The following INPP5A variants were observed in gnomAD, a reference collection of about 807,000 sequenced individuals.
The protein encoded by INPP5A is 43 kDa inositol polyphosphate 5-phophatase.
INPP5A carries 14 observed loss-of-function variants against 65.2 expected under a neutral mutation model. The observed-to-expected ratio is 0.21, with a 90% CI of 0.14 to 0.34. INPP5A has a LOEUF of 0.34. Among genes scored for constraint, INPP5A ranks in the 10% least tolerant of loss-of-function variants. The pLI is 1.00. For synonymous variants in INPP5A, 207 were observed against 208.3 expected, an observed-to-expected ratio of 0.99 and a Z score of 0.05; for missense variants, 431 against 545.6, an observed-to-expected ratio of 0.79 and a Z score of 2.09.
chr10:132,691,816 T>C (rs939666986), intron 5 of INPP5A, among the ~76,000 whole-genome samples: 3 of 145,766 alleles, frequency 2.1e-5, no homozygotes, highest in Non-Finnish European at 4.6e-5. Flanking sequence ...AGACGTGCGG[T>C]CGCGGGAGAC....
At chr10:132,597,080 T>C (rs139386240) in intron 1 of INPP5A, among the ~76,000 whole-genome samples, 3 of 151,920 alleles carry the variant, frequency 2.0e-5, no homozygotes, top group Non-Finnish European at 4.4e-5. Flanking sequence ...CGTGTGTGCG[T>C]GTGTGTATGT....
intron 1 of INPP5A, among the ~76,000 whole-genome samples, chr10:132,588,899 G>A (rs2071582459): frequency 6.7e-6 from 1 of 150,186 alleles, no homozygotes; most frequent in Non-Finnish European, 1.5e-5. Context: ...CTGTTTCTTG[G>A]AGTGTGAGAT....
rs920995537 is a variant in INPP5A, at chr10:132,663,907, G to T, written c.306+13402G>T. On this transcript the variant is annotated intron_variant, in intron 4 of 15. Coordinates refer to ENST00000368594, the MANE Select transcript of INPP5A (RefSeq NM_005539.5). This position sits in a 1 kb window ranked among gnomAD's most constrained non-coding sequence, Gnocchi z 4.5. ...TCTGTGGCAAAGGCTGGGCCAAGGT[G>T]CCTCGTGGGCAGCCGATCCATCAGG... 6.6e-6 allele frequency among the ~76,000 whole-genome samples: 1 copy of T among 152,230 alleles called. No homozygotes were observed. The highest frequency in any genetic ancestry group is 6.5e-5 in the Admixed American group (1 of 15,282).
At chr10:132,728,535 C>G (rs1590962657) in intron 9 of INPP5A, among the ~76,000 whole-genome samples, 1 of 152,254 alleles carries the variant, frequency 6.6e-6, no homozygotes, top group Non-Finnish European at 1.5e-5. Context: ...AGCGGCATTT[C>G]CGGCAGGTCT....
chr10:132,691,494 A>G (rs1845261003), intron 5 of INPP5A, among the ~76,000 whole-genome samples: 2 of 152,258 alleles, frequency 1.3e-5, no homozygotes, highest in African/African-American at 4.8e-5. Flanking sequence ...GCTGGAGCCA[A>G]GGAGCTGGTG....
chr10:132,561,560 T>C (rs961669847), intron 1 of INPP5A, among the ~76,000 whole-genome samples: 7 of 152,218 alleles, frequency 4.6e-5, no homozygotes, highest in African/African-American at 1.4e-4. Flanking sequence ...TCTATGTGTC[T>C]GTCCTTATGC....
chr10:132,724,032 G>A (rs1845941269), intron 8 of INPP5A, among the ~76,000 whole-genome samples: 1 of 152,202 alleles, frequency 6.6e-6, no homozygotes, highest in Admixed American at 6.5e-5. Flanking sequence ...GACTTTCGTG[G>A]GCTTTGCCAA....
rs996155905 is a variant in INPP5A at position 132,565,981 on chromosome 10, G to A, written c.75+27810G>A. Among the ~76,000 whole-genome samples the A allele has an allele frequency of 1.8e-4, 28 of 152,168 alleles. 1 individual carries two copies. In the South Asian group the frequency reaches 3.7e-3, roughly 20 times the overall value. Reference sequence around the variant, plus strand: ...TTGCTCAATTTCGTAGCCTGGAGCAGTCGTAGACAAGAGAGCCCTGTGGTC... The same window carrying A: ...TTGCTCAATTTCGTAGCCTGGAGCAATCGTAGACAAGAGAGCCCTGTGGTC... On this transcript the variant is annotated intron_variant, in intron 1 of 15. Coordinates refer to ENST00000368594, the MANE Select transcript of INPP5A (RefSeq NM_005539.5).
chr10:132,648,256 G>A (rs969084633), intron 3 of INPP5A, among the ~76,000 whole-genome samples: 3 of 152,400 alleles, frequency 2.0e-5, no homozygotes, highest in East Asian at 1.9e-4. Flanking sequence ...ACCGCAGGCC[G>A]GACGGGAACG....
At position 132,562,586 on chromosome 10, in the gene INPP5A, C is replaced by T. The variant is rs535209552; in HGVS notation, c.75+24415C>T. 1.9e-4 allele frequency among the ~76,000 whole-genome samples: 29 copies of T among 152,372 alleles called. No homozygotes were observed. In the East Asian group the frequency reaches 5.4e-3, roughly 28 times the overall value. On this transcript the variant is annotated intron_variant, in intron 1 of 15. Transcript: ENST00000368594. ...TGGCTGCCGCCTGCGGCTCCCAGCA[C>T]GTGAAACATGGTGCGTGTTGCACAC...
chr10:132,558,164 G>C (rs772074368), intron 1 of INPP5A, among the ~76,000 whole-genome samples: 4 of 152,200 alleles, frequency 2.6e-5, no homozygotes, highest in Non-Finnish European at 5.9e-5. Context: ...GGTGTCAGCA[G>C]GGAAGGGGCG....
chr10:132,759,134 C>G (rs560172274), intron 11 of INPP5A, among the ~76,000 whole-genome samples: 36 of 152,344 alleles, frequency 2.4e-4, no homozygotes, highest in African/African-American at 7.9e-4. Flanking sequence ...TGCAGCAGGT[C>G]AGCGTGGCCC....
intron 12 of INPP5A, among the ~76,000 whole-genome samples, chr10:132,769,177 A>G (rs1234540226): frequency 6.6e-6 from 1 of 152,094 alleles, no homozygotes; most frequent in African/African-American, 2.4e-5. Flanking sequence ...GATGAATAGA[A>G]CTCTGCTCTG....
In INPP5A at chr10:132,538,177, T is replaced by TC; in HGVS notation, c.75+11dup. ...TGGGCTCGCTCTTCGACGACGTAAG[T>TC]CCCCCGTGCCGGCGGCAGGCCCCAA... On this transcript the variant is annotated splice_region_variant and intron_variant, in intron 1 of 15. Transcript: ENST00000368594. This position sits in a 1 kb window ranked among gnomAD's most constrained non-coding sequence, Gnocchi z 4.1. 1.6e-6 allele frequency: 2 copies of TC among 1,273,650 alleles called. No homozygotes were observed. The highest frequency in any genetic ancestry group is 2.0e-6 in the Non-Finnish European group (2 of 1,006,500). 78.9% of individuals were successfully genotyped at this position (1,273,650 alleles called of 1,614,324 possible). A position where few individuals can be genotyped will look rare whatever the true frequency, so the allele number is the denominator to read the frequency against.
Position 132,627,485 on chromosome 10 carries a change from C to T in INPP5A, c.118-18383C>T, listed in dbSNP as rs182833421. Among the ~76,000 whole-genome samples the T allele has an allele frequency of 1.2e-3, 186 of 152,294 alleles. No individual in the cohort carries two copies. Among genetic ancestry groups the T allele is most frequent in the Non-Finnish European group, 2.1e-3 (146 of 68,016 alleles). ...GTGCAGCTGTCCGCGGTGGCTGCCT[C>T]GTCCAGCAGCGTCCCTGCCAGAAGT... On this transcript the variant is annotated intron_variant, in intron 2 of 15. Transcript: ENST00000368594. The surrounding 1 kb of genome is among the most constrained non-coding windows in gnomAD (Gnocchi z 6.6).
chr10:132,728,915 C>T (rs943217120), intron 9 of INPP5A, among the ~76,000 whole-genome samples: 5 of 152,162 alleles, frequency 3.3e-5, no homozygotes, highest in Admixed American at 6.5e-5. Flanking sequence ...GAAGCCTGGG[C>T]TCCGGTGCCT....
rs573299394 is a variant in INPP5A at position 132,551,052 on chromosome 10, C to T, written c.75+12881C>T. ...TGGGCCAGTGGCTTCAGTAGCCACA[C>T]GCTGCTTGGTCCAGGTTCCTGCCTG... On this transcript the variant is annotated intron_variant, in intron 1 of 15. Coordinates refer to ENST00000368594, the MANE Select transcript of INPP5A (RefSeq NM_005539.5). This position sits in a 1 kb window ranked among gnomAD's most constrained non-coding sequence, Gnocchi z 5.3. 4.6e-5 allele frequency among the ~76,000 whole-genome samples: 7 copies of T among 152,180 alleles called. No individual in the cohort carries two copies. Among genetic ancestry groups the T allele is most frequent in the African/African-American group, 1.2e-4 (5 of 41,434 alleles).
intron 1 of INPP5A, among the ~76,000 whole-genome samples, chr10:132,539,678 A>ACGCT (rs1344295542): frequency 7.2e-5 from 11 of 152,012 alleles, no homozygotes; most frequent in Admixed American, 3.9e-4. Flanking sequence ...GGAGCCACGG[A>ACGCT]CGCTCCCTCC....
In INPP5A at chr10:132,586,430, C is replaced by T. The variant is rs866410290; in HGVS notation, c.76-21485C>T. Reference sequence around the variant, plus strand: ...CCGTGGCGACCTCGTCACCCTTCCCCACAGAGTGCCGCATGGCTGGCAGGG... The same window carrying T: ...CCGTGGCGACCTCGTCACCCTTCCCTACAGAGTGCCGCATGGCTGGCAGGG... On this transcript the variant is annotated intron_variant, in intron 1 of 15. Coordinates refer to ENST00000368594, the MANE Select transcript of INPP5A (RefSeq NM_005539.5). Among the ~76,000 whole-genome samples the T allele has an allele frequency of 5.9e-5, 9 of 152,376 alleles. No homozygotes were observed. In the South Asian group the frequency reaches 1.9e-3, roughly 32 times the overall value.
Sources: gnomAD v4.1 joint callset for allele counts (sites outside exome capture counted in the v4.1 genomes callset) on GRCh38, gnomAD v4.1.1 for gene constraint, Gnocchi (gnomAD v3.1) non-coding constraint, MANE v1.5 for transcripts, NCBI Gene and HGNC (gene_info 2026-07-23, HGNC 2026-07-21) for gene names.